The following MRPS25 variants were observed in gnomAD, a reference collection of about 807,000 sequenced individuals.
MRPS25 encodes mitochondrial ribosomal protein S25, also known as small ribosomal subunit protein mS25.
MRPS25 carries 15 observed loss-of-function variants against 17.3 expected under a neutral mutation model. The observed-to-expected ratio is 0.87, with a 90% CI of 0.58 to 1.34. The LOEUF is 1.34. Ranked by LOEUF, MRPS25 falls within the 40% of genes most tolerant of loss-of-function variation. The probability of loss-of-function intolerance (pLI) is 0.00; values close to 1 mark genes in which losing one functional copy is unlikely to be tolerated. For synonymous variants in MRPS25, 94 were observed against 83.3 expected, an observed-to-expected ratio of 1.13 and a Z score of -0.70; for missense variants, 225 against 218.6, an observed-to-expected ratio of 1.03 and a Z score of -0.19.
At chr3:15,062,866 A>G (rs547331894) in intron 1 of MRPS25, among the ~76,000 whole-genome samples, 194 of 152,242 alleles carry the variant, frequency 1.3e-3, no homozygotes, top group Admixed American at 4.5e-3. Flanking sequence ...GATGCTTGAA[A>G]GCAGCATGCT....
intron 1 of MRPS25, among the ~76,000 whole-genome samples, chr3:15,064,397 G>C (rs62240400): frequency 0.076 from 11,608 of 152,164 alleles, 474 homozygotes; most frequent in Middle Eastern, 0.099. Flanking sequence ...CCTTCTAGTC[G>C]GGGTAGGGTC....
At position 15,049,231 on chromosome 3, in the gene MRPS25, AC is replaced by A. The variant is rs1471931460; in HGVS notation, c.*3209del. On this transcript the variant is annotated 3_prime_UTR_variant, in exon 4 of 4. Coordinates refer to ENST00000253686, the MANE Select transcript of MRPS25 (RefSeq NM_022497.5). ...ATTATTGTTGTGGCTTAATACTACT[AC>A]CTAAATGAGGTTTATACTATTAAAA... 6.5e-6 allele frequency: 1 copy of A among 152,676 alleles called. No individual in the cohort carries two copies. Among genetic ancestry groups the A allele is most frequent in the African/African-American group, 2.4e-5 (1 of 41,444 alleles). 9.5% of individuals were successfully genotyped at this position (152,676 alleles called of 1,614,324 possible). A position where few individuals can be genotyped will look rare whatever the true frequency, so the allele number is the denominator to read the frequency against.
chr3:15,042,993 C>G (rs761575938), downstream of MRPS25: 1 of 1,613,906 alleles, frequency 6.2e-7, no homozygotes, highest in Non-Finnish European at 8.5e-7. Flanking sequence ...GCCAGATCAC[C>G]GGAGCCAGTC....
chr3:15,048,086 CCA>C (rs746691995), downstream of MRPS25: 7 of 152,662 alleles, frequency 4.6e-5, no homozygotes, highest in South Asian at 2.1e-4. Flanking sequence ...CTCACATAAT[CCA>C]CAGTTTCCTC....
chr3:15,064,973 G>A (rs2042833734), intron 1 of MRPS25, 88 bp downstream of exon 1: 3 of 1,493,002 alleles, frequency 2.0e-6, no homozygotes, highest in Admixed American at 4.1e-5. Context: ...ATGAACGGCC[G>A]CCCAGAGCGA....
downstream of MRPS25, chr3:15,042,962 T>C: frequency 6.2e-7 from 1 of 1,614,226 alleles, no homozygotes; most frequent in South Asian, 1.1e-5. Flanking sequence ...ATCCTCAAGA[T>C]GGAGACAGCA....
rs994265729 is a variant in MRPS25, at chr3:15,065,075, C to T, written c.120G>A (p.Leu40=). The T allele has an allele frequency of 8.8e-6, 14 of 1,597,878 alleles. No homozygotes were observed. Among genetic ancestry groups the T allele is most frequent in the Non-Finnish European group, 1.1e-5 (13 of 1,173,688 alleles). Residue 40 remains leucine (L), a synonymous_variant, in exon 1 of 4, where the codon CTG becomes CTA. Coordinates refer to ENST00000253686, the MANE Select transcript of MRPS25 (RefSeq NM_022497.5). ...CTGCGACTGACCTGGCGCCCTCGCC[C>T]AGCTCCCCATGCGTGTTGTAATTCA... is the stretch of plus-strand genomic sequence containing the variant. ...MTVNYNTHGE[L]GEGARKFVFF... is the part of the protein sequence containing the mutation.
downstream of MRPS25, chr3:15,044,559 C>G (rs1222700502): frequency 2.0e-5 from 3 of 152,198 alleles, no homozygotes; most frequent in East Asian, 3.8e-4. Context: ...ATGTGGAAGA[C>G]CCGGTCAATT....
chr3:15,062,995 C>G (rs1482767191), intron 1 of MRPS25, among the ~76,000 whole-genome samples: 13 of 151,434 alleles, frequency 8.6e-5, no homozygotes, highest in African/African-American at 3.2e-4. Flanking sequence ...CACTATTGTC[C>G]TATGACCCTG....
intron 1 of MRPS25, 72 bp from the exon 2 acceptor site, chr3:15,059,547 T>A (rs1209852159): frequency 2.0e-6 from 2 of 1,010,144 alleles, no homozygotes; most frequent in African/African-American, 1.6e-5. Flanking sequence ...GGTATTTTTC[T>A]AGGGAGAAAG....
intron 1 of MRPS25, among the ~76,000 whole-genome samples, chr3:15,062,517 A>C (rs1264518480): frequency 6.7e-6 from 1 of 149,206 alleles, no homozygotes; most frequent in Non-Finnish European, 1.5e-5. Flanking sequence ...GGCCGCCCCT[A>C]CTGGGAAGTG....
Position 15,053,428 on chromosome 3 carries a change from C to A in MRPS25, c.281G>T (p.Ser94Ile). 1 of 1,614,162 alleles carries A rather than the reference C, an allele frequency of 6.2e-7. No homozygotes were observed. The change falls in exon 3 of 4, where the codon AGC becomes ATC. Residue 94 changes from serine (S) to isoleucine (I), a missense_variant. Coordinates refer to ENST00000253686, the MANE Select transcript of MRPS25 (RefSeq NM_022497.5). Reference protein sequence around the residue: ...EQVLVDVETKSNKEIMEHIRK... With the variant: ...EQVLVDVETKINKEIMEHIRK... ...GATGTGCTCCATGATCTCCTTATTG[C>A]TCTTGGTCTCCACATCCACCAGGAC... is the stretch of plus-strand genomic sequence containing the variant.
At chr3:15,042,890 CAGA>C, downstream of MRPS25, 1 of 1,614,164 alleles carries the variant, frequency 6.2e-7, no homozygotes, top group Non-Finnish European at 8.5e-7. Context: ...TCCAACATAA[CAGA>C]AGAACTTTTT....
In MRPS25 at chr3:15,050,126, A is replaced by G; in HGVS notation, c.*2315T>C. 9 of 1,370,090 alleles carry G rather than the reference A, an allele frequency of 6.6e-6. No individual in the cohort carries two copies. The highest frequency in any genetic ancestry group is 1.8e-5 in the South Asian group (1 of 56,704). The allele number at this position is 1,370,090 out of a possible 1,614,324, so 84.9% of individuals were successfully genotyped here. A position where few individuals can be genotyped will look rare whatever the true frequency, so the allele number is the denominator to read the frequency against. The stretch of plus-strand genomic sequence containing the variant: ...TAGGGAAAGACAAAGGTTTAAAGAG[A>G]AACTATCCAGGATCAAGTAGCCTAC... On this transcript the variant is annotated 3_prime_UTR_variant, in exon 4 of 4. Coordinates refer to ENST00000253686, the MANE Select transcript of MRPS25 (RefSeq NM_022497.5).
Position 15,051,041 on chromosome 3 carries a change from T to G in MRPS25, c.*1400A>C, listed in dbSNP as rs2042597582. 1.0e-6 allele frequency: 1 copy of G among 983,432 alleles called. No homozygotes were observed. Among genetic ancestry groups the G allele is most frequent in the African/African-American group, 1.7e-5 (1 of 57,300 alleles). 60.9% of individuals were successfully genotyped at this position (983,432 alleles called of 1,614,324 possible). ...CCCCAGCAGGTAGAGGAATGAAAACTTCAGTCCTGCTCTGTCAAGCACCAC... is the reference window on the plus strand; with the variant it reads ...CCCCAGCAGGTAGAGGAATGAAAACGTCAGTCCTGCTCTGTCAAGCACCAC... On this transcript the variant is annotated 3_prime_UTR_variant, in exon 4 of 4. Transcript: ENST00000253686.
downstream of MRPS25, chr3:15,045,720 C>T (rs970901110): frequency 7.9e-5 from 12 of 152,674 alleles, no homozygotes; most frequent in African/African-American, 2.9e-4. Flanking sequence ...AATATTTGGG[C>T]TCCAACTTTC....
chr3:15,049,989 G>A lies in MRPS25; in HGVS notation c.*2452C>T. 6.8e-7 allele frequency: 1 copy of A among 1,472,598 alleles called. No homozygotes were observed. Among genetic ancestry groups the A allele is most frequent in the East Asian group, 2.7e-5 (1 of 37,186 alleles). The allele number at this position is 1,472,598 out of a possible 1,614,324, so 91.2% of individuals were successfully genotyped here. On this transcript the variant is annotated 3_prime_UTR_variant, in exon 4 of 4. Coordinates refer to ENST00000253686, the MANE Select transcript of MRPS25 (RefSeq NM_022497.5). Reference sequence around the variant, plus strand: ...GAATAAGGCTGTGAACACTGCTTGTGCAAGTAAAATTAAGAACATGTTATC... The same window carrying A: ...GAATAAGGCTGTGAACACTGCTTGTACAAGTAAAATTAAGAACATGTTATC...
chr3:15,047,664 C>T (rs1013195358), downstream of MRPS25: 3 of 152,204 alleles, frequency 2.0e-5, no homozygotes, highest in Non-Finnish European at 4.4e-5. Context: ...TGTCCTATGA[C>T]TGAATAAATA....
downstream of MRPS25, chr3:15,042,781 G>A: frequency 1.3e-6 from 2 of 1,555,680 alleles, no homozygotes; most frequent in Middle Eastern, 1.7e-4. Flanking sequence ...TTGCTGAGCT[G>A]TGGTTGAAGG....
Sources: gnomAD v4.1 joint callset for allele counts (sites outside exome capture counted in the v4.1 genomes callset) on GRCh38, gnomAD v4.1.1 for gene constraint, MANE v1.5 for transcripts, NCBI Gene and HGNC (gene_info 2026-07-23, HGNC 2026-07-21) for gene names.